The following PIGL variants were observed in gnomAD, a reference collection of about 807,000 sequenced individuals.
The protein encoded by PIGL is phosphatidylinositol glycan anchor biosynthesis class L.
In PIGL, 22 loss-of-function variants were observed where a neutral mutation model predicts 31.1. The observed-to-expected ratio is 0.71, with a 90% CI of 0.51 to 1.01. The LOEUF is 1.01. Among genes scored for constraint, PIGL ranks in the 50% least tolerant of loss-of-function variants. PIGL has a pLI of 0.00. For synonymous variants in PIGL, 131 were observed against 117.4 expected (o/e 1.12, Z -0.75); for missense variants, 302 against 315.9 (o/e 0.96, Z 0.33).
intron 2 of PIGL, among the ~76,000 whole-genome samples, chr17:16,262,377 A>C (rs2092822789): frequency 6.6e-6 from 1 of 152,248 alleles, no homozygotes. Flanking sequence ...AACCACAGTG[A>C]GATGCCACTC....
rs148589062 is a variant in PIGL, at chr17:16,324,804, G to A, written c.661-996G>A. Among the ~76,000 whole-genome samples, 86 of 152,296 alleles carry A rather than the reference G, an allele frequency of 5.6e-4. No homozygotes were observed. The East Asian group carries it at 0.014, about 25-fold the overall frequency. On this transcript the variant is annotated intron_variant, in intron 6 of 6. Transcript: ENST00000225609. ...TGTATATCTAGTGAAGTCAGTTGCT[G>A]TAATCTATTCTGTTTAAAAACTGAA...
chr17:16,236,761 G>A (rs1383834326), intron 2 of PIGL, among the ~76,000 whole-genome samples: 3 of 151,922 alleles, frequency 2.0e-5, no homozygotes, highest in African/African-American at 4.8e-5. Context: ...AGAGACAGGG[G>A]TTTCACCATG....
chr17:16,269,184 T>G (rs1348054360), intron 2 of PIGL, among the ~76,000 whole-genome samples: 1 of 152,246 alleles, frequency 6.6e-6, no homozygotes, highest in Non-Finnish European at 1.5e-5. Flanking sequence ...CGGGGGAGAT[T>G]AAGTAACTTC....
At chr17:16,315,708 C>CTTTTTTTTTTTTTTTTTTTT (rs1157169209) in intron 4 of PIGL, among the ~76,000 whole-genome samples, 3 of 58,992 alleles carry the variant, frequency 5.1e-5, no homozygotes, top group Non-Finnish European at 8.5e-5. Flanking sequence ...TTCTTTCTTT[C>CTTTTTTTTTTTTTTTTTTTT]TTTTTTTTTT....
intron 2 of PIGL, among the ~76,000 whole-genome samples, chr17:16,235,000 T>G (rs968823571): frequency 5.3e-5 from 8 of 152,168 alleles, no homozygotes; most frequent in African/African-American, 1.9e-4. Flanking sequence ...TACTATACAG[T>G]GCTTGTTTCT....
intron 2 of PIGL, among the ~76,000 whole-genome samples, chr17:16,241,130 A>AAG (rs1364268410): frequency 1.3e-5 from 2 of 150,814 alleles, no homozygotes; most frequent in African/African-American, 4.9e-5. Flanking sequence ...AAAAAAAAAA[A>AAG]AAAAAAGAAG....
intron 1 of PIGL, chr17:16,218,083 T>C (rs2092603986): frequency 2.0e-5 from 3 of 152,264 alleles, no homozygotes; most frequent in Admixed American, 2.0e-4. Flanking sequence ...AAAGCAAATA[T>C]TGACCATTAA....
chr17:16,284,257 A>G (rs1400151888), intron 2 of PIGL, among the ~76,000 whole-genome samples: 2 of 152,020 alleles, frequency 1.3e-5, no homozygotes, highest in Non-Finnish European at 2.9e-5. Context: ...GATTACAGGC[A>G]TCAGCCACTG....
At chr17:16,255,363 T>TA (rs2092789637) in intron 2 of PIGL, among the ~76,000 whole-genome samples, 1 of 152,188 alleles carries the variant, frequency 6.6e-6, no homozygotes, top group African/African-American at 2.4e-5. Context: ...TTCAGCACAA[T>TA]AAAAATCTCG....
At chr17:16,317,178 G>C in intron 5 of PIGL, 1 of 1,012,278 alleles carries the variant, frequency 9.9e-7, no homozygotes, top group Non-Finnish European at 1.2e-6. Context: ...TTTCTGGTCT[G>C]TCATACCTCA....
chr17:16,286,380 A>AG, intron 2 of PIGL, among the ~76,000 whole-genome samples: 1 of 152,284 alleles, frequency 6.6e-6, no homozygotes, highest in Non-Finnish European at 1.5e-5. Flanking sequence ...AGAGGAAAGA[A>AG]GGGGGGCTTC....
intron 3 of PIGL, 144 bp downstream of exon 3, chr17:16,300,122 C>T (rs926275777): frequency 3.1e-6 from 2 of 641,416 alleles, no homozygotes; most frequent in Admixed American, 2.6e-5. Context: ...ACTTCCAATG[C>T]TCACCATTAA....
At position 16,323,472 on chromosome 17, in the gene PIGL, G is replaced by A. The variant is rs1600872528; in HGVS notation, c.661-2328G>A. Among the ~76,000 whole-genome samples, 4 of 151,870 alleles carry A rather than the reference G, an allele frequency of 2.6e-5. No individual in the cohort carries two copies. In the South Asian group the frequency reaches 8.3e-4, roughly 32 times the overall value. On this transcript the variant is annotated intron_variant, in intron 6 of 6. Transcript: ENST00000225609. Reference sequence around the variant, plus strand: ...TGGTCTCGAACTCCTGACCTCAGGTGATCCTCCCACCTCAACCTCCCAAAG... The same window carrying A: ...TGGTCTCGAACTCCTGACCTCAGGTAATCCTCCCACCTCAACCTCCCAAAG...
chr17:16,288,940 G>T (rs556236745), intron 2 of PIGL, among the ~76,000 whole-genome samples: 1 of 152,320 alleles, frequency 6.6e-6, no homozygotes, highest in Non-Finnish European at 1.5e-5. Flanking sequence ...CTCTTTTGCT[G>T]GCTTCTTATC....
intron 2 of PIGL, among the ~76,000 whole-genome samples, chr17:16,236,333 A>C (rs944681656): frequency 3.3e-5 from 5 of 152,100 alleles, no homozygotes; most frequent in Admixed American, 6.6e-5. Context: ...AAATTGTCTT[A>C]TGTTTGGCCA....
At chr17:16,251,374 G>T (rs2092770790) in intron 2 of PIGL, among the ~76,000 whole-genome samples, 1 of 148,748 alleles carries the variant, frequency 6.7e-6, no homozygotes, top group Admixed American at 6.8e-5. Flanking sequence ...AGTGAGCCTT[G>T]ATCACGCCAT....
chr17:16,264,826 C>T (rs893284632), intron 2 of PIGL, among the ~76,000 whole-genome samples: 50 of 151,882 alleles, frequency 3.3e-4, no homozygotes, highest in African/African-American at 1.2e-3. Flanking sequence ...GGGGTTTCAC[C>T]GTGTTGGCCA....
At chr17:16,311,613 G>T (rs2093050882) in intron 3 of PIGL, among the ~76,000 whole-genome samples, 1 of 148,562 alleles carries the variant, frequency 6.7e-6, no homozygotes, top group African/African-American at 2.5e-5. Context: ...GCGGCCTTCC[G>T]CAGTGTTTGT....
At chr17:16,238,885 G>A (rs1487583150) in intron 2 of PIGL, among the ~76,000 whole-genome samples, 1 of 141,844 alleles carries the variant, frequency 7.1e-6, no homozygotes, top group Non-Finnish European at 1.5e-5. Context: ...CTCCAGCCTG[G>A]TGCGACAGAG....
Sources: gnomAD v4.1 joint callset for allele counts (sites outside exome capture counted in the v4.1 genomes callset) on GRCh38, gnomAD v4.1.1 for gene constraint, MANE v1.5 for transcripts, NCBI Gene and HGNC (gene_info 2026-07-23, HGNC 2026-07-21) for gene names.